TUT4: variants seen among roughly 807,000 people sequenced by gnomAD.
TUT4 encodes terminal uridylyltransferase 4.
In TUT4, 36 loss-of-function variants were observed where a neutral mutation model predicts 192.2. That is an observed-to-expected ratio of 0.19 (90% CI 0.14 to 0.25). The LOEUF (loss-of-function observed/expected upper bound fraction) is 0.25. TUT4 is among the 10% of genes least tolerant of loss of function. The probability of loss-of-function intolerance (pLI) is 1.00; values close to 1 mark genes in which losing one functional copy is unlikely to be tolerated. For synonymous variants in TUT4, 618 were observed against 666.0 expected, an observed-to-expected ratio of 0.93 and a Z score of 1.11; for missense variants, 1,493 against 1,957.2, an observed-to-expected ratio of 0.76 and a Z score of 4.47.
At chr1:52,471,925 C>A in intron 14 of TUT4, 27 bp downstream of exon 14, 1 of 1,592,366 alleles carries the variant, frequency 6.3e-7, no homozygotes, top group Non-Finnish European at 8.6e-7. Context: ...AATCTAGTCC[C>A]AATAGTTGTA....
At chr1:52,482,772 A>G (rs918971062) in intron 9 of TUT4, among the ~76,000 whole-genome samples, 5 of 152,258 alleles carry the variant, frequency 3.3e-5, no homozygotes, top group Non-Finnish European at 5.9e-5. Flanking sequence ...ATAGTCTATG[A>G]TATGGATGGT....
At chr1:52,522,057 T>C (rs1680433437) in intron 2 of TUT4, among the ~76,000 whole-genome samples, 2 of 142,240 alleles carry the variant, frequency 1.4e-5, no homozygotes, top group South Asian at 2.2e-4. Context: ...TCAAACATTA[T>C]TAATTTGGAT....
intron 2 of TUT4, among the ~76,000 whole-genome samples, chr1:52,520,530 A>G (rs891833002): frequency 2.0e-5 from 3 of 152,232 alleles, no homozygotes; most frequent in Non-Finnish European, 2.9e-5. Context: ...TCTGGAAATG[A>G]GACCCAAGAC....
At chr1:52,446,178 T>C in intron 22 of TUT4, 87 bp downstream of exon 22, 1 of 1,418,246 alleles carries the variant, frequency 7.1e-7, no homozygotes, top group Non-Finnish European at 9.6e-7. Context: ...GGAAGAATCT[T>C]CCAAATCCTA....
intron 1 of TUT4, among the ~76,000 whole-genome samples, chr1:52,542,368 T>A (rs1686917732): frequency 6.6e-6 from 1 of 152,104 alleles, no homozygotes; most frequent in Non-Finnish European, 1.5e-5. Flanking sequence ...GTATAAACAT[T>A]CATGCAAAAA....
At chr1:52,452,379 A>G (rs929846233) in intron 20 of TUT4, among the ~76,000 whole-genome samples, 15 of 152,184 alleles carry the variant, frequency 9.9e-5, no homozygotes, top group Non-Finnish European at 1.6e-4. Flanking sequence ...GTCTTTTTGT[A>G]TGCAAGCAAG....
intron 5 of TUT4, among the ~76,000 whole-genome samples, 169 bp downstream of exon 5, chr1:52,496,837 A>T (rs1672574734): frequency 6.6e-6 from 1 of 152,152 alleles, no homozygotes; most frequent in Non-Finnish European, 1.5e-5. Flanking sequence ...CATAATTCTC[A>T]ATTTCCTTGT....
At chr1:52,484,605 G>A (rs1669334973) in intron 9 of TUT4, among the ~76,000 whole-genome samples, 1 of 151,788 alleles carries the variant, frequency 6.6e-6, no homozygotes, top group Admixed American at 6.6e-5. Context: ...ATTTATTTTT[G>A]CATTTAGCAT....
At chr1:52,533,939 T>G (rs1261145570) in intron 1 of TUT4, among the ~76,000 whole-genome samples, 1 of 152,174 alleles carries the variant, frequency 6.6e-6, no homozygotes, top group Non-Finnish European at 1.5e-5. Flanking sequence ...GCACTCCAAC[T>G]TGTGCAACAG....
chr1:52,493,146 C>T (rs1329763575), intron 7 of TUT4, among the ~76,000 whole-genome samples: 1 of 152,172 alleles, frequency 6.6e-6, no homozygotes, highest in Non-Finnish European at 1.5e-5. Context: ...TGTAGCAGCG[C>T]AATCTCAGCT....
intron 24 of TUT4, 39 bp from the exon 25 acceptor site, chr1:52,438,374 T>C (rs1654446071): frequency 1.4e-6 from 2 of 1,464,030 alleles, no homozygotes; most frequent in African/African-American, 1.4e-5. Context: ...GGAATCACTA[T>C]AAAACTTTTG....
intron 28 of TUT4, among the ~76,000 whole-genome samples, chr1:52,429,887 C>T (rs1169447764): frequency 5.3e-5 from 8 of 151,988 alleles, no homozygotes; most frequent in Admixed American, 5.2e-4. Context: ...AGCCACAGTG[C>T]CGGCCTGTGT....
chr1:52,441,892 G>A (rs1333349812), intron 24 of TUT4, among the ~76,000 whole-genome samples: 2 of 152,100 alleles, frequency 1.3e-5, no homozygotes, highest in African/African-American at 4.8e-5. Flanking sequence ...CAGATGGCCA[G>A]GCGAGGTGGC....
intron 7 of TUT4, among the ~76,000 whole-genome samples, chr1:52,491,397 A>G (rs568993310): frequency 7.2e-5 from 11 of 152,294 alleles, no homozygotes; most frequent in African/African-American, 2.6e-4. Context: ...CTAAATAAAA[A>G]CAGATAGATT....
intron 7 of TUT4, among the ~76,000 whole-genome samples, chr1:52,492,628 G>C (rs892137364): frequency 1.3e-5 from 2 of 152,218 alleles, no homozygotes; most frequent in Admixed American, 6.5e-5. Context: ...TCTGAGCCCA[G>C]AAAGTCTAGC....
intron 22 of TUT4, 113 bp downstream of exon 22, chr1:52,446,152 G>T: frequency 1.5e-6 from 2 of 1,354,124 alleles, no homozygotes; most frequent in Non-Finnish European, 2.0e-6. Flanking sequence ...ATTAAAGGAG[G>T]AAAACTGATA....
At chr1:52,513,454 T>TAA (rs1203111451) in intron 3 of TUT4, among the ~76,000 whole-genome samples, 1 of 120,810 alleles carries the variant, frequency 8.3e-6, no homozygotes, top group African/African-American at 3.5e-5. Flanking sequence ...CCAAATAATT[T>TAA]AAAAAAAAAA....
intron 7 of TUT4, 105 bp downstream of exon 7, chr1:52,493,506 G>A: frequency 4.1e-6 from 3 of 723,340 alleles, no homozygotes; most frequent in South Asian, 3.4e-5. Flanking sequence ...ACTCAACTAT[G>A]CCAGCAGTTT....
intron 7 of TUT4, among the ~76,000 whole-genome samples, 172 bp downstream of exon 7, chr1:52,493,439 A>G (rs1309480157): frequency 4.0e-5 from 6 of 151,778 alleles, no homozygotes; most frequent in Admixed American, 2.6e-4. Context: ...GTTAAATTAT[A>G]TTTTCTAGTA....
Sources: allele counts gnomAD v4.1 joint callset (sites outside exome capture counted in the v4.1 genomes callset), GRCh38; gene constraint gnomAD v4.1.1; transcripts MANE v1.5; gene names NCBI Gene and HGNC (gene_info 2026-07-23, HGNC 2026-07-21).